Variants in AMY2B observed in about 807,000 individuals in gnomAD.
AMY2B encodes amylase alpha 2B.
In AMY2B, 63 loss-of-function variants were observed where a neutral mutation model predicts 59.3. The ratio of observed to expected loss-of-function variants is 1.06; its 90% CI spans 0.87 to 1.31. The LOEUF (loss-of-function observed/expected upper bound fraction) is 1.31. Ranked by LOEUF, AMY2B falls within the 50% of genes most tolerant of loss-of-function variation. The probability of loss-of-function intolerance (pLI) is 0.00; values close to 1 mark genes in which losing one functional copy is unlikely to be tolerated. For missense variants in AMY2B, 635 were observed against 626.7 expected (o/e 1.01, Z -0.14); for synonymous variants, 180 against 198.1 (o/e 0.91, Z 0.77).
At chr1:103,567,600 G>C (rs1350943152), upstream of AMY2B, among the ~76,000 whole-genome samples, 1 of 152,124 alleles carries the variant, frequency 6.6e-6, no homozygotes, top group East Asian at 1.9e-4. Flanking sequence ...CACTGTAAAA[G>C]TCTTCTAACA....
chr1:103,562,430 G>C (rs1458339357), intron 1 of AMY2B, among the ~76,000 whole-genome samples: 1 of 152,092 alleles, frequency 6.6e-6, no homozygotes, highest in African/African-American at 2.4e-5. Flanking sequence ...ACAGAAAACT[G>C]TTGGGGGAAG....
At chr1:103,571,960 A>G (rs866767479) in intron 1 of AMY2B, 150 bp from the exon 2 acceptor site, 1 of 1,534,880 alleles carries the variant, frequency 6.5e-7, no homozygotes, top group Non-Finnish European at 8.7e-7. Context: ...ATCTTTCTTC[A>G]ACAAGAGCCC....
upstream of AMY2B, chr1:103,571,016 C>T: frequency 2.6e-6 from 1 of 381,928 alleles, no homozygotes; most frequent in Non-Finnish European, 4.5e-6. Context: ...CTGATCTGTG[C>T]AGGGTATTAA....
At chr1:103,578,139 C>A (rs1483007538) in intron 9 of AMY2B, among the ~76,000 whole-genome samples, 1 of 152,156 alleles carries the variant, frequency 6.6e-6, no homozygotes, top group Non-Finnish European at 1.5e-5. Context: ...CCACAAAATA[C>A]ACAAAGTAGT....
intron 1 of AMY2B, among the ~76,000 whole-genome samples, chr1:103,560,683 A>T (rs900584110): frequency 2.6e-5 from 4 of 152,104 alleles, no homozygotes; most frequent in African/African-American, 9.7e-5. Flanking sequence ...ACACTGTTTT[A>T]TTCCAGTTTG....
upstream of AMY2B, chr1:103,570,350 G>C (rs1445163475): frequency 1.4e-6 from 1 of 706,248 alleles, no homozygotes; most frequent in Non-Finnish European, 2.6e-6. Context: ...TTCCTTCCTG[G>C]ACATGGAATC....
rs1210515977 is a variant in AMY2B at position 103,573,095 on chromosome 1, T to C, written c.348T>C (p.His116=). Residue 116 remains histidine, a synonymous_variant, in exon 3 of 10, where the codon CAT becomes CAC. Coordinates refer to ENST00000684275, the MANE Select transcript of AMY2B (RefSeq NM_001387437.1). ...VRIYVDAVIN[H]MSGNAVSAGT... is the part of the protein sequence containing the mutation. ...TTTATGTGGATGCTGTAATTAATCA[T>C]ATGTCTGGTAATGCTGTGAGTGCAG... 1.9e-6 allele frequency: 3 copies of C among 1,613,650 alleles called. No homozygotes were observed. Among genetic ancestry groups the C allele is most frequent in the Non-Finnish European group, 2.5e-6 (3 of 1,179,710 alleles).
intron 9 of AMY2B, among the ~76,000 whole-genome samples, chr1:103,578,885 G>A (rs774455158): frequency 6.6e-5 from 10 of 151,634 alleles, no homozygotes; most frequent in Admixed American, 6.6e-4. Context: ...ATAGCATTGG[G>A]AGATATACCT....
chr1:103,554,848 CAT>C (rs1254542869), exon 1 of AMY2B: 1 of 152,488 alleles, frequency 6.6e-6, no homozygotes, highest in East Asian at 1.9e-4. Flanking sequence ...TTTCTGTAGG[CAT>C]AGTTAAAAAG....
chr1:103,569,751 G>A (rs1419702496), upstream of AMY2B: 2 of 418,582 alleles, frequency 4.8e-6, no homozygotes, highest in Non-Finnish European at 9.6e-6. Flanking sequence ...TCCTGACCCT[G>A]AAGTACCCCC....
upstream of AMY2B, chr1:103,571,469 G>C (rs1371203754): frequency 1.3e-6 from 2 of 1,495,018 alleles, no homozygotes; most frequent in Non-Finnish European, 9.1e-7. Flanking sequence ...GATTATTATT[G>C]ATAATCCTTT....
intron 1 of AMY2B, among the ~76,000 whole-genome samples, chr1:103,558,366 C>T (rs559755039): frequency 1.1e-4 from 16 of 152,098 alleles, no homozygotes; most frequent in Non-Finnish European, 2.4e-4. Flanking sequence ...CTGATTGATA[C>T]AGCCACAACA....
chr1:103,574,393 A>C lies in AMY2B; in HGVS notation c.878A>C (p.Lys293Thr), dbSNP rs994172772. ...KWNGEKMSYL[K>T]NWGEGWGFMP... ...AATGGAGAGAAGATGTCTTACCTAA[A>C]GTAAATAAATACAACTTTTCCCCTG... The change falls in exon 5 of 10, where the codon AAG becomes ACG. Residue 293 changes from lysine to threonine, a missense_variant and splice_region_variant. By Grantham distance (78) the Lys-to-Thr change is moderately conservative (BLOSUM62 -1). Transcript: ENST00000684275. The C allele has an allele frequency of 6.2e-7, 1 of 1,611,240 alleles. No homozygotes were observed.
At chr1:103,561,558 T>C (rs1651736286) in intron 1 of AMY2B, among the ~76,000 whole-genome samples, 1 of 152,186 alleles carries the variant, frequency 6.6e-6, no homozygotes, top group Non-Finnish European at 1.5e-5. Flanking sequence ...AACCCAGCCC[T>C]ATGCCAATCG....
upstream of AMY2B, chr1:103,569,396 TTGTGTGTGTGTGTGTGTGTGTGTG>T (rs58457409): frequency 1.6e-3 from 241 of 151,096 alleles, no homozygotes; most frequent in African/African-American, 6.2e-3. Flanking sequence ...TTATGTGGGT[TTGTGTGTGTGTGTGTGTGTGTGTG>T]TGTGTGTGTG....
chr1:103,560,991 T>G (rs1355176977), intron 1 of AMY2B, among the ~76,000 whole-genome samples: 1 of 152,092 alleles, frequency 6.6e-6, no homozygotes, highest in Non-Finnish European at 1.5e-5. Context: ...TTTTTTAGTG[T>G]TTTTTTCTCA....
intron 1 of AMY2B, among the ~76,000 whole-genome samples, chr1:103,560,629 T>C (rs886400755): frequency 5.9e-5 from 9 of 152,318 alleles, no homozygotes; most frequent in Middle Eastern, 3.4e-3. Flanking sequence ...AGTTAATGCC[T>C]ATGTCCATTG....
upstream of AMY2B, among the ~76,000 whole-genome samples, chr1:103,567,798 C>A (rs926879507): frequency 1.3e-5 from 2 of 152,136 alleles, no homozygotes; most frequent in African/African-American, 4.8e-5. Context: ...TTTATCCCAC[C>A]CTTTATCACA....
chr1:103,566,450 A>G (rs1028523762), intron 2 of AMY2B, among the ~76,000 whole-genome samples: 1 of 152,192 alleles, frequency 6.6e-6, no homozygotes, highest in East Asian at 1.9e-4. Flanking sequence ...TTAATGGTAA[A>G]TTCTGTTTAG....
Sources: allele counts gnomAD v4.1 joint callset (sites outside exome capture counted in the v4.1 genomes callset), GRCh38; gene constraint gnomAD v4.1.1; transcripts MANE v1.5; gene names NCBI Gene and HGNC (gene_info 2026-07-23, HGNC 2026-07-21).